Variants in DOCK4 observed in about 807,000 individuals in gnomAD.
DOCK4 encodes dedicator of cytokinesis protein 4.
In DOCK4, 97 loss-of-function variants were observed where a neutral mutation model predicts 268.1. The ratio of observed to expected loss-of-function variants is 0.36; its 90% CI spans 0.31 to 0.43. The LOEUF (loss-of-function observed/expected upper bound fraction) is 0.43. Ranked by LOEUF, DOCK4 falls within the 20% of genes least tolerant of loss-of-function variation. The pLI is 1.00. For synonymous variants in DOCK4, 954 were observed against 887.2 expected, an observed-to-expected ratio of 1.08 and a Z score of -1.34; for missense variants, 2,145 against 2,455.7, an observed-to-expected ratio of 0.87 and a Z score of 2.67.
chr7:112,010,334 G>A (rs1449584776), intron 1 of DOCK4, among the ~76,000 whole-genome samples: 2 of 152,184 alleles, frequency 1.3e-5, no homozygotes, highest in Admixed American at 1.3e-4. Context: ...GTCATTTGGA[G>A]ATTTCTTTTG....
At chr7:111,948,424 GC>G (rs1207471830) in intron 8 of DOCK4, among the ~76,000 whole-genome samples, 1 of 152,062 alleles carries the variant, frequency 6.6e-6, no homozygotes, top group Non-Finnish European at 1.5e-5. Flanking sequence ...TAAAGGAAAA[GC>G]CATCATTTGC....
chr7:111,947,162 G>T (rs981722315), intron 8 of DOCK4, among the ~76,000 whole-genome samples: 5 of 152,146 alleles, frequency 3.3e-5, no homozygotes, highest in African/African-American at 1.2e-4. Context: ...TTAATAAAAG[G>T]CTTAGAACCA....
At chr7:111,936,224 AG>A (rs1163960149) in intron 11 of DOCK4, among the ~76,000 whole-genome samples, 7 of 152,222 alleles carry the variant, frequency 4.6e-5, no homozygotes, top group Admixed American at 4.6e-4. Context: ...TACTGGCAAA[AG>A]ACTGGCAGGA....
rs1802062859 is a variant in DOCK4, at chr7:111,822,454, A to G, written c.2838T>C (p.Asp946=). The G allele has an allele frequency of 6.2e-7, 1 of 1,611,076 alleles. No homozygotes were observed. Among genetic ancestry groups the G allele is most frequent in the Admixed American group, 1.7e-5 (1 of 59,720 alleles). ...ACACAGTAAATATCTGCAGCAGGAA[A>G]TCCTTGGATAAGGAGAAAATAGATC... ...DSFNTKEELR[D]FLLQIFTVFR... Residue 946 remains aspartate, a splice_region_variant and synonymous_variant, in exon 27 of 53, where the codon GAT becomes GAC. Coordinates refer to ENST00000428084, the MANE Select transcript of DOCK4 (RefSeq NM_001363540.2).
intron 12 of DOCK4, among the ~76,000 whole-genome samples, chr7:111,916,726 T>C (rs575337090): frequency 2.6e-5 from 4 of 152,254 alleles, no homozygotes; most frequent in East Asian, 1.9e-4. Flanking sequence ...ACTCCAAAGA[T>C]AGCACTTCTC....
At chr7:111,735,519 A>G (rs1372267862) in intron 50 of DOCK4, among the ~76,000 whole-genome samples, 1 of 152,216 alleles carries the variant, frequency 6.6e-6, no homozygotes, top group Admixed American at 6.5e-5. Context: ...TTTAGTAGAC[A>G]TTTCTGGACA....
intron 1 of DOCK4, among the ~76,000 whole-genome samples, chr7:112,198,910 T>C (rs1820690827): frequency 6.6e-6 from 1 of 152,228 alleles, no homozygotes; most frequent in African/African-American, 2.4e-5. Flanking sequence ...AACGTGCTCA[T>C]AACCAAAACT....
intron 36 of DOCK4, among the ~76,000 whole-genome samples, chr7:111,775,247 G>T (rs529158490): frequency 6.6e-6 from 1 of 152,258 alleles, no homozygotes; most frequent in South Asian, 2.1e-4. Flanking sequence ...GTAAATTCTG[G>T]GAACAGAAGT....
intron 1 of DOCK4, among the ~76,000 whole-genome samples, chr7:112,131,717 A>G (rs1242610300): frequency 6.6e-6 from 1 of 151,624 alleles, no homozygotes; most frequent in Non-Finnish European, 1.5e-5. Context: ...TGAGAAAGAG[A>G]AAAAAAAATC....
intron 1 of DOCK4, among the ~76,000 whole-genome samples, chr7:112,005,593 C>G (rs574144113): frequency 6.6e-6 from 1 of 152,322 alleles, no homozygotes; most frequent in Admixed American, 6.5e-5. Flanking sequence ...TCAGAGACCT[C>G]TTCTTACAAG....
At chr7:111,764,153 G>A (rs1187748183) in intron 39 of DOCK4, among the ~76,000 whole-genome samples, 2 of 152,136 alleles carry the variant, frequency 1.3e-5, no homozygotes, top group African/African-American at 4.8e-5. Context: ...CATTTCAACT[G>A]ACTAAAGAAA....
intron 1 of DOCK4, among the ~76,000 whole-genome samples, chr7:112,097,878 A>G (rs1810297430): frequency 1.3e-5 from 2 of 152,220 alleles, no homozygotes; most frequent in African/African-American, 2.4e-5. Flanking sequence ...AGCTAAATTC[A>G]TTGGTAGAAT....
Position 111,984,533 on chromosome 7 carries a change from T to C in DOCK4, c.465-143A>G, listed in dbSNP as rs1266213105. Reference sequence around the variant, plus strand: ...CACCTTGTATGACTTGTTACCACAGTTGGGGTAGACAATATAACTCCGCTG... The same window carrying C: ...CACCTTGTATGACTTGTTACCACAGCTGGGGTAGACAATATAACTCCGCTG... On this transcript the variant is annotated intron_variant, in intron 6 of 52. Transcript: ENST00000428084. 6 of 676,774 alleles carry C rather than the reference T, an allele frequency of 8.9e-6. No individual in the cohort carries two copies. The Admixed American group carries it at 1.0e-4, about 12-fold the overall frequency. 41.9% of individuals were successfully genotyped at this position (676,774 alleles called of 1,614,324 possible).
intron 23 of DOCK4, among the ~76,000 whole-genome samples, chr7:111,861,745 C>CA (rs35987323): frequency 0.17 from 19,584 of 114,280 alleles, 2,442 homozygotes; most frequent in African/African-American, 0.36. Context: ...GACTCAGTCT[C>CA]AAAAAAAAAA....
chr7:111,939,810 TG>T (rs1795057168), intron 11 of DOCK4, among the ~76,000 whole-genome samples: 1 of 152,224 alleles, frequency 6.6e-6, no homozygotes, highest in African/African-American at 2.4e-5. Context: ...ACACATTGAC[TG>T]TCTGAAGGTA....
chr7:111,798,526 C>T (rs566212987), intron 30 of DOCK4, among the ~76,000 whole-genome samples: 202 of 152,282 alleles, frequency 1.3e-3, no homozygotes, highest in African/African-American at 4.6e-3. Flanking sequence ...CTATTATATA[C>T]ACATGCTTCC....
chr7:111,828,914 A>G (rs1802604577), intron 26 of DOCK4, among the ~76,000 whole-genome samples: 2 of 150,684 alleles, frequency 1.3e-5, no homozygotes, highest in South Asian at 4.2e-4. Context: ...ATATGTATAT[A>G]TATAGTATAC....
At chr7:111,793,692 C>A (rs17158822) in intron 30 of DOCK4, among the ~76,000 whole-genome samples, 2 of 152,048 alleles carry the variant, frequency 1.3e-5, no homozygotes, top group East Asian at 3.9e-4. Context: ...GGTATTTGGG[C>A]TATTGCTAAG....
intron 30 of DOCK4, among the ~76,000 whole-genome samples, chr7:111,792,330 A>T (rs1427528933): frequency 2.0e-5 from 3 of 152,176 alleles, no homozygotes; most frequent in Non-Finnish European, 4.4e-5. Flanking sequence ...TTCCAGTGAC[A>T]CTGTAGATTC....
Sources: allele counts gnomAD v4.1 joint callset (sites outside exome capture counted in the v4.1 genomes callset), GRCh38; gene constraint gnomAD v4.1.1; transcripts MANE v1.5; gene names NCBI Gene and HGNC (gene_info 2026-07-23, HGNC 2026-07-21).